RAB38: variants seen among roughly 807,000 people sequenced by gnomAD.
RAB38 encodes RAB38, member RAS oncogene family, also known as ras-related protein Rab-38.
A neutral mutation model predicts 18.4 loss-of-function variants in RAB38; 15 were observed. The observed-to-expected ratio is 0.82, with a 90% CI of 0.55 to 1.26. RAB38 has a LOEUF of 1.26. Ranked by LOEUF, RAB38 falls within the 50% of genes most tolerant of loss-of-function variation. The pLI is 0.00. For synonymous variants in RAB38, 101 were observed against 104.4 expected (o/e 0.97, Z 0.20); for missense variants, 294 against 267.4 (o/e 1.10, Z -0.69).
chr11:87,867,284 C>G, the RAB38 span, among the ~76,000 whole-genome samples: 64 of 151,608 alleles, frequency 4.2e-4, no homozygotes, highest in African/African-American at 1.5e-3. Context: ...GTTATTTCAT[C>G]TTTAAAGACT....
At chr11:88,076,793 C>CAAAA in the RAB38 span, among the ~76,000 whole-genome samples, 2 of 128,264 alleles carry the variant, frequency 1.6e-5, no homozygotes, top group South Asian at 2.4e-4. Context: ...ACTTAAAATA[C>CAAAA]AAAAAAAAAA....
chr11:87,955,900 CACACAA>C, the RAB38 span, among the ~76,000 whole-genome samples: 1 of 139,214 alleles, frequency 7.2e-6, no homozygotes, highest in Non-Finnish European at 1.6e-5. Context: ...CACACACACA[CACACAA>C]GTAGGACAGA....
chr11:88,056,834 T>C, the RAB38 span, among the ~76,000 whole-genome samples: 3 of 42,624 alleles, frequency 7.0e-5, no homozygotes, highest in Non-Finnish European at 1.6e-4. Flanking sequence ...AATAAATAAA[T>C]ACATACATAC....
the RAB38 span, among the ~76,000 whole-genome samples, chr11:87,963,469 T>A: frequency 6.6e-6 from 1 of 152,034 alleles, no homozygotes; most frequent in African/African-American, 2.4e-5. Flanking sequence ...CAAATTAAAA[T>A]AATAGGACTA....
chr11:88,095,541 A>G, the RAB38 span, among the ~76,000 whole-genome samples: 1 of 151,830 alleles, frequency 6.6e-6, no homozygotes, highest in East Asian at 1.9e-4. Context: ...TTATTTTTCA[A>G]AATTTAAAGT....
At chr11:87,947,056 T>C in the RAB38 span, among the ~76,000 whole-genome samples, 1 of 152,146 alleles carries the variant, frequency 6.6e-6, no homozygotes. Context: ...GCACCTGTTG[T>C]TTCCTGACTT....
the RAB38 span, among the ~76,000 whole-genome samples, chr11:87,963,651 C>CTT: frequency 1.5e-4 from 22 of 143,358 alleles, no homozygotes; most frequent in African/African-American, 2.1e-4. Flanking sequence ...TTCTTTTTTT[C>CTT]TTTTTTTTTT....
the RAB38 span, among the ~76,000 whole-genome samples, chr11:87,909,445 C>G: frequency 6.6e-6 from 1 of 152,056 alleles, no homozygotes; most frequent in East Asian, 1.9e-4. Flanking sequence ...TATTCTTTCT[C>G]TCTCTCTCTG....
the RAB38 span, among the ~76,000 whole-genome samples, chr11:88,050,740 T>A: frequency 6.6e-6 from 1 of 152,178 alleles, no homozygotes; most frequent in South Asian, 2.1e-4. Context: ...TAAGATGAAA[T>A]AACCACCCTC....
chr11:87,927,666 T>C, the RAB38 span, among the ~76,000 whole-genome samples: 6 of 152,032 alleles, frequency 3.9e-5, no homozygotes, highest in East Asian at 1.2e-3. Context: ...GAATACTAGA[T>C]TTAAAATTGT....
the RAB38 span, among the ~76,000 whole-genome samples, chr11:88,035,717 C>G: frequency 2.0e-5 from 3 of 152,238 alleles, no homozygotes; most frequent in Non-Finnish European, 4.4e-5. Flanking sequence ...ATTTGGTTGA[C>G]TAAGCGTCTT....
the RAB38 span, among the ~76,000 whole-genome samples, chr11:88,007,508 TA>T: frequency 1.3e-5 from 2 of 152,004 alleles, no homozygotes; most frequent in Non-Finnish European, 2.9e-5. Context: ...TCTTAAATTA[TA>T]AATTATTAGC....
the RAB38 span, among the ~76,000 whole-genome samples, chr11:87,934,819 G>A: frequency 1.3e-5 from 2 of 152,052 alleles, no homozygotes; most frequent in Admixed American, 1.3e-4. Flanking sequence ...GAATAGAAAA[G>A]ATGAAAAAGG....
At chr11:87,865,778 G>A in the RAB38 span, among the ~76,000 whole-genome samples, 1 of 151,684 alleles carries the variant, frequency 6.6e-6, no homozygotes, top group Non-Finnish European at 1.5e-5. Context: ...TGGAAAACCA[G>A]TCAGGGTAAA....
chr11:88,090,837 G>A, the RAB38 span, among the ~76,000 whole-genome samples: 36 of 152,018 alleles, frequency 2.4e-4, no homozygotes, highest in African/African-American at 8.2e-4. Flanking sequence ...GAGCATCTGA[G>A]GGGCAGCCAA....
At chr11:87,871,811 T>A in the RAB38 span, among the ~76,000 whole-genome samples, 1 of 151,548 alleles carries the variant, frequency 6.6e-6, no homozygotes, top group Non-Finnish European at 1.5e-5. Context: ...TAACATTCTG[T>A]GAATTTTTTC....
the RAB38 span, among the ~76,000 whole-genome samples, chr11:88,010,336 A>T: frequency 5.9e-5 from 9 of 152,334 alleles, no homozygotes; most frequent in East Asian, 7.7e-4. Context: ...AAGTTCTATA[A>T]GAGAGGACAA....
At chr11:87,955,231 CTTATTCTT>C in the RAB38 span, among the ~76,000 whole-genome samples, 1 of 152,214 alleles carries the variant, frequency 6.6e-6, no homozygotes, top group Non-Finnish European at 1.5e-5. Flanking sequence ...TTGCTCTTCT[CTTATTCTT>C]TAATCCAGCA....
At chr11:88,161,484 T>C (rs554652215) in intron 1 of RAB38, among the ~76,000 whole-genome samples, 2 of 152,236 alleles carry the variant, frequency 1.3e-5, no homozygotes, top group African/African-American at 2.4e-5. Context: ...TGTGCATTCA[T>C]GCTTGGATCT....
Sources: allele counts gnomAD v4.1 joint callset (sites outside exome capture counted in the v4.1 genomes callset), GRCh38; gene constraint gnomAD v4.1.1; transcripts MANE v1.5; gene names NCBI Gene and HGNC (gene_info 2026-07-23, HGNC 2026-07-21).